Variants in MLLT3 observed in about 807,000 individuals in gnomAD.
MLLT3 encodes the protein MLLT3 super elongation complex subunit.
In MLLT3, 4 loss-of-function variants were observed where a neutral mutation model predicts 53.2. That is an observed-to-expected ratio of 0.08 (90% CI 0.04 to 0.17). The LOEUF (loss-of-function observed/expected upper bound fraction) is 0.17. MLLT3 is among the 10% of genes least tolerant of loss of function. The pLI is 1.00. For missense variants in MLLT3, 569 were observed against 684.0 expected (o/e 0.83, Z 1.87); for synonymous variants, 283 against 230.6 (o/e 1.23, Z -2.06).
chr9:20,345,423 C>G lies in MLLT3; in HGVS notation c.*1020G>C, dbSNP rs1239092523. The G allele has an allele frequency of 9.5e-6, 2 of 209,842 alleles. No homozygotes were observed. The highest frequency in any genetic ancestry group is 4.6e-5 in the African/African-American group (2 of 43,952). 13.0% of individuals were successfully genotyped at this position (209,842 alleles called of 1,614,324 possible). ...CACTGGCAGCTGAAGAAAGCTGAAA[C>G]TCTGACTAATAAATAGATCCAAATT... On this transcript the variant is annotated 3_prime_UTR_variant, in exon 11 of 11. Coordinates refer to ENST00000380338, the MANE Select transcript of MLLT3 (RefSeq NM_004529.4).
In MLLT3 at chr9:20,353,567, G is replaced by A; in HGVS notation, c.1533C>T (p.His511=). 6 of 1,614,114 alleles carry A rather than the reference G, an allele frequency of 3.7e-6. No individual in the cohort carries two copies. The highest frequency in any genetic ancestry group is 5.1e-6 in the Non-Finnish European group (6 of 1,179,960). ...TTTCTCTCAATGTCATTAACCTTCT[G>A]TGAAGCTCTACCAGTTCATCTAGGT... The part of the protein sequence containing the change: ...KAYLDELVEL[H]RRLMTLRERH... The change falls in exon 10 of 11, where the codon CAC becomes CAT. Residue 511 remains histidine, a synonymous_variant. Coordinates refer to ENST00000380338, the MANE Select transcript of MLLT3 (RefSeq NM_004529.4).
At chr9:20,410,017 G>C (rs1412750619) in intron 5 of MLLT3, among the ~76,000 whole-genome samples, 1 of 152,140 alleles carries the variant, frequency 6.6e-6, no homozygotes, top group East Asian at 1.9e-4. Flanking sequence ...AAAGATCTGA[G>C]ACACTTTGGC....
intron 2 of MLLT3, among the ~76,000 whole-genome samples, chr9:20,562,548 A>C (rs528055247): frequency 1.3e-5 from 2 of 152,196 alleles, no homozygotes; most frequent in Non-Finnish European, 2.9e-5. Flanking sequence ...AATTTGGTTA[A>C]GCAAATTCAA....
chr9:20,366,853 C>T (rs936056640), intron 5 of MLLT3, among the ~76,000 whole-genome samples: 4 of 152,198 alleles, frequency 2.6e-5, no homozygotes, highest in Non-Finnish European at 5.9e-5. Flanking sequence ...TAGAGAAATA[C>T]AGCTGTCTTT....
intron 2 of MLLT3, among the ~76,000 whole-genome samples, chr9:20,549,161 G>A (rs1024216130): frequency 6.6e-6 from 1 of 152,138 alleles, no homozygotes; most frequent in Non-Finnish European, 1.5e-5. Context: ...TGAGGCATTA[G>A]GAATAGTGCC....
At chr9:20,352,024 C>T (rs1821041757) in intron 10 of MLLT3, among the ~76,000 whole-genome samples, 1 of 152,200 alleles carries the variant, frequency 6.6e-6, no homozygotes, top group Non-Finnish European at 1.5e-5. Flanking sequence ...TTACTCTCTC[C>T]CTCTAGAATA....
At chr9:20,367,898 C>A (rs1050173976) in intron 5 of MLLT3, among the ~76,000 whole-genome samples, 1 of 152,190 alleles carries the variant, frequency 6.6e-6, no homozygotes. Context: ...CCCCTTCTCC[C>A]AAGGTAGCAC....
intron 5 of MLLT3, among the ~76,000 whole-genome samples, chr9:20,368,250 T>A (rs76840071): frequency 6.6e-6 from 1 of 152,236 alleles, no homozygotes; most frequent in Non-Finnish European, 1.5e-5. Flanking sequence ...GAGCATTCAG[T>A]TGGCATTTAT....
chr9:20,467,803 C>G (rs1296410896), intron 2 of MLLT3, among the ~76,000 whole-genome samples: 1 of 152,150 alleles, frequency 6.6e-6, no homozygotes, highest in African/African-American at 2.4e-5. Context: ...AAGATGCTGT[C>G]AGAAATTATG....
At chr9:20,528,562 G>A (rs1818257272) in intron 2 of MLLT3, among the ~76,000 whole-genome samples, 1 of 152,216 alleles carries the variant, frequency 6.6e-6, no homozygotes, top group African/African-American at 2.4e-5. Context: ...AGGCTCTAGG[G>A]GAGAATCTGT....
At chr9:20,604,753 T>C (rs928374444) in intron 2 of MLLT3, among the ~76,000 whole-genome samples, 2 of 152,138 alleles carry the variant, frequency 1.3e-5, no homozygotes, top group African/African-American at 4.8e-5. Flanking sequence ...GCAGCACTGG[T>C]CTTTAGTAAC....
At chr9:20,589,246 T>A (rs901368695) in intron 2 of MLLT3, among the ~76,000 whole-genome samples, 7 of 151,936 alleles carry the variant, frequency 4.6e-5, no homozygotes, top group African/African-American at 1.7e-4. Flanking sequence ...CATGGAATAC[T>A]ATGCAGCCAT....
chr9:20,521,658 C>A (rs1045199101), intron 2 of MLLT3, among the ~76,000 whole-genome samples: 1 of 151,950 alleles, frequency 6.6e-6, no homozygotes, highest in Non-Finnish European at 1.5e-5. Context: ...TATAGATGCT[C>A]TAAGCAGGAA....
chr9:20,378,271 T>C (rs1821822371), intron 5 of MLLT3, among the ~76,000 whole-genome samples: 2 of 152,040 alleles, frequency 1.3e-5, no homozygotes, highest in African/African-American at 4.8e-5. Flanking sequence ...TGAGTTGTAA[T>C]ACCAACTCTG....
intron 2 of MLLT3, among the ~76,000 whole-genome samples, chr9:20,478,280 A>G (rs1256314035): frequency 6.6e-6 from 1 of 152,178 alleles, no homozygotes; most frequent in African/African-American, 2.4e-5. Context: ...TAAGGCCTTT[A>G]TAAACATTTC....
intron 1 of MLLT3, 126 bp downstream of exon 1, chr9:20,622,119 C>T (rs1821036248): frequency 8.6e-7 from 1 of 1,157,384 alleles, no homozygotes; most frequent in Non-Finnish European, 1.2e-6. Context: ...CGGCAGCTCC[C>T]TGCAAGCCGT....
intron 1 of MLLT3, 145 bp downstream of exon 1, chr9:20,622,100 A>C (rs1416023050): frequency 3.2e-6 from 3 of 933,318 alleles, no homozygotes; most frequent in Non-Finnish European, 1.5e-6. Flanking sequence ...GCGGAGGCTG[A>C]GGGAGAGGCG....
intron 4 of MLLT3, 90 bp from the exon 5 acceptor site, chr9:20,414,515 T>G: frequency 6.4e-7 from 1 of 1,564,534 alleles, no homozygotes. Flanking sequence ...CCTTCTTTGA[T>G]TCCTCTCAAG....
intron 5 of MLLT3, among the ~76,000 whole-genome samples, chr9:20,389,286 T>C (rs1226233712): frequency 6.6e-6 from 1 of 152,232 alleles, no homozygotes; most frequent in East Asian, 1.9e-4. Context: ...ATTATATGAT[T>C]CCATTCATAT....
Sources: gnomAD v4.1 joint callset for allele counts (sites outside exome capture counted in the v4.1 genomes callset) on GRCh38, gnomAD v4.1.1 for gene constraint, MANE v1.5 for transcripts, NCBI Gene and HGNC (gene_info 2026-07-23, HGNC 2026-07-21) for gene names.